ITGA1: variants seen among roughly 807,000 people sequenced by gnomAD.
ITGA1 encodes integrin alpha-1.
A neutral mutation model predicts 145.9 loss-of-function variants in ITGA1; 85 were observed. That is an observed-to-expected ratio of 0.58 (90% CI 0.49 to 0.70). ITGA1 has a LOEUF of 0.70. Among genes scored for constraint, ITGA1 ranks in the 30% least tolerant of loss-of-function variants. ITGA1 has a pLI of 0.00. For synonymous variants in ITGA1, 520 were observed against 495.3 expected (o/e 1.05, Z -0.66); for missense variants, 1,351 against 1,418.7 (o/e 0.95, Z 0.77).
chr5:52,849,408 T>G lies in ITGA1; in HGVS notation c.105T>G (p.Asn35Lys). 3 of 1,612,204 alleles carry G rather than the reference T, an allele frequency of 1.9e-6. No individual in the cohort carries two copies. The highest frequency in any genetic ancestry group is 2.5e-6 in the Non-Finnish European group (3 of 1,179,186). Reference sequence around the variant, plus strand: ...TATCATTCAATGTTGATGTGAAAAATTCAATGACTTTCAGCGGCCCGGTGG... The same window carrying G: ...TATCATTCAATGTTGATGTGAAAAAGTCAATGACTTTCAGCGGCCCGGTGG... ...CCVSFNVDVK[N>K]SMTFSGPVED... The change falls in exon 2 of 29, where the codon AAT becomes AAG. Residue 35 changes from asparagine (N) to lysine (K), a missense_variant. Transcript: ENST00000282588.
intron 23 of ITGA1, 37 bp downstream of exon 23, chr5:52,934,033 T>C (rs774514597): frequency 2.4e-6 from 2 of 838,174 alleles, no homozygotes; most frequent in East Asian, 6.0e-5. Flanking sequence ...TCTAAAGGAG[T>C]TATTTGTAAA....
intron 15 of ITGA1, among the ~76,000 whole-genome samples, chr5:52,918,295 T>G (rs182055827): frequency 1.3e-5 from 2 of 152,312 alleles, no homozygotes; most frequent in Admixed American, 1.3e-4. Flanking sequence ...TGCTTTTCCT[T>G]CCTAGAAATA....
Position 52,937,410 on chromosome 5 carries a change from A to C in ITGA1, c.2974A>C (p.Ser992Arg). The C allele has an allele frequency of 6.2e-7, 1 of 1,607,088 alleles. No homozygotes were observed. The highest frequency in any genetic ancestry group is 1.1e-5 in the South Asian group (1 of 90,886). Reference sequence around the variant, plus strand: ...CATTTTTTTCTTGTAGATTAGAAAAAGTGGATCTTTTCCAATGCCAGAGCT... The same window carrying C: ...CATTTTTTTCTTGTAGATTAGAAAACGTGGATCTTTTCCAATGCCAGAGCT... ...EINIFYLIRK[S>R]GSFPMPELKL... The change falls in exon 24 of 29, where the codon AGT becomes CGT. Residue 992 changes from serine (S) to arginine (R), a missense_variant. Coordinates refer to ENST00000282588, the MANE Select transcript of ITGA1 (RefSeq NM_181501.2).
At chr5:52,853,919 T>G (rs2111758696) in intron 2 of ITGA1, among the ~76,000 whole-genome samples, 1 of 152,342 alleles carries the variant, frequency 6.6e-6, no homozygotes, top group South Asian at 2.1e-4. Flanking sequence ...GATTTAGTGG[T>G]AAACATCAGC....
At chr5:52,918,096 C>T (rs367813373) in intron 15 of ITGA1, among the ~76,000 whole-genome samples, 9 of 152,098 alleles carry the variant, frequency 5.9e-5, no homozygotes, top group South Asian at 4.1e-4. Context: ...ACTGGGCTTT[C>T]GAGTTAAAAC....
At chr5:52,924,956 G>A (rs2111878490) in intron 18 of ITGA1, among the ~76,000 whole-genome samples, 1 of 152,292 alleles carries the variant, frequency 6.6e-6, no homozygotes. Flanking sequence ...TTAGAGTTGA[G>A]TAGATTTAGA....
chr5:52,889,147 C>T (rs933301496), intron 8 of ITGA1, among the ~76,000 whole-genome samples: 5 of 151,718 alleles, frequency 3.3e-5, no homozygotes, highest in African/African-American at 1.2e-4. Flanking sequence ...GTCACCCAGG[C>T]TGGAGTGAAG....
In ITGA1 at chr5:52,856,709, AG is replaced by A. The variant is rs59547748; in HGVS notation, c.183-4737del. Among the ~76,000 whole-genome samples, 3 of 132,982 alleles carry A rather than the reference AG, an allele frequency of 2.3e-5. No homozygotes were observed. The East Asian group carries it at 6.3e-4, about 28-fold the overall frequency. The allele number at this position is 132,982 out of a possible 152,430, so 87.2% of individuals were successfully genotyped here. On this transcript the variant is annotated intron_variant, in intron 2 of 28. Coordinates refer to ENST00000282588, the MANE Select transcript of ITGA1 (RefSeq NM_181501.2). ...GAGAGAGAGAGAGAGAGAGAGAGAG[AG>A]AGAAGCCACTAGGTCAAAATTTAAT...
intron 9 of ITGA1, among the ~76,000 whole-genome samples, chr5:52,896,806 A>G (rs1328947552): frequency 6.6e-6 from 1 of 152,176 alleles, no homozygotes; most frequent in African/African-American, 2.4e-5. Context: ...CAAAATGGGT[A>G]CAGGATCTTT....
In ITGA1 at chr5:52,892,044, A is replaced by ACTTTTC. The variant is rs571817394; in HGVS notation, c.925-1631_925-1630insCTTTTC. Among the ~76,000 whole-genome samples, 470 of 152,310 alleles carry ACTTTTC rather than the reference A, an allele frequency of 3.1e-3. 2 individuals carry two copies. Among genetic ancestry groups the ACTTTTC allele is most frequent in the African/African-American group, 0.011 (454 of 41,582 alleles). On this transcript the variant is annotated intron_variant, in intron 8 of 28. Coordinates refer to ENST00000282588, the MANE Select transcript of ITGA1 (RefSeq NM_181501.2). ...TCAGATGACACTGTTGAGAATATGAAAAGACAATCTACAGACGGGAAGAAA... is the reference window on the plus strand; with the variant it reads ...TCAGATGACACTGTTGAGAATATGAACTTTTCAAGACAATCTACAGACGGGAAGAAA...
chr5:52,877,699 A>C (rs1381278136), intron 6 of ITGA1, among the ~76,000 whole-genome samples: 2 of 152,222 alleles, frequency 1.3e-5, no homozygotes, highest in Non-Finnish European at 2.9e-5. Context: ...AGGAGCAGTC[A>C]CGGAGCCGTA....
chr5:52,834,700 G>A (rs747528085), intron 1 of ITGA1, among the ~76,000 whole-genome samples: 1 of 149,366 alleles, frequency 6.7e-6, no homozygotes, highest in East Asian at 2.0e-4. Context: ...GGGGAAGGAA[G>A]GAAGGGGAAG....
chr5:52,951,670 C>T (rs765942588), intron 28 of ITGA1, among the ~76,000 whole-genome samples: 14 of 152,078 alleles, frequency 9.2e-5, no homozygotes, highest in Non-Finnish European at 1.5e-4. Flanking sequence ...CCATAATATA[C>T]CTGTCAGATT....
chr5:52,798,910 A>C (rs1748398639), intron 1 of ITGA1, among the ~76,000 whole-genome samples: 1 of 152,104 alleles, frequency 6.6e-6, no homozygotes, highest in African/African-American at 2.4e-5. Context: ...TCATTTAAAA[A>C]CCAAGAGGCA....
In ITGA1 at chr5:52,897,639, C is replaced by T; in HGVS notation, c.1164+111C>T. 7.1e-6 allele frequency: 5 copies of T among 701,846 alleles called. No individual in the cohort carries two copies. In the Middle Eastern group the frequency reaches 7.3e-4, roughly 102 times the overall value. The allele number at this position is 701,846 out of a possible 1,614,324, so 43.5% of individuals were successfully genotyped here. A position where few individuals can be genotyped will look rare whatever the true frequency, so the allele number is the denominator to read the frequency against. On this transcript the variant is annotated intron_variant, in intron 10 of 28. Coordinates refer to ENST00000282588, the MANE Select transcript of ITGA1 (RefSeq NM_181501.2). The stretch of plus-strand genomic sequence containing the variant: ...TGCAACGTGCAGTTCATAGCTTGAA[C>T]AATTATGCAGGCTATGATGATGTTT...
chr5:52,811,565 T>A (rs552970933), intron 1 of ITGA1, among the ~76,000 whole-genome samples: 1 of 152,296 alleles, frequency 6.6e-6, no homozygotes, highest in East Asian at 1.9e-4. Flanking sequence ...CTGAGGGTCA[T>A]TTATTTGGAA....
chr5:52,876,052 T>G (rs1480220686), intron 6 of ITGA1, among the ~76,000 whole-genome samples: 2 of 152,180 alleles, frequency 1.3e-5, no homozygotes, highest in East Asian at 3.9e-4. Flanking sequence ...AGCTGAATCC[T>G]CCTTCCTCCT....
chr5:52,921,562 A>G (rs1750730359), intron 17 of ITGA1, among the ~76,000 whole-genome samples: 1 of 152,150 alleles, frequency 6.6e-6, no homozygotes, highest in Non-Finnish European at 1.5e-5. Flanking sequence ...ATGTGGATAA[A>G]ATTTGAATGG....
At chr5:52,868,186 T>TTA (rs1296877852) in intron 6 of ITGA1, among the ~76,000 whole-genome samples, 3 of 152,232 alleles carry the variant, frequency 2.0e-5, no homozygotes, top group Admixed American at 6.5e-5. Context: ...TTACAATTTA[T>TTA]TATACAGCCA....
Sources: gnomAD v4.1 joint callset for allele counts (sites outside exome capture counted in the v4.1 genomes callset) on GRCh38, gnomAD v4.1.1 for gene constraint, MANE v1.5 for transcripts, NCBI Gene and HGNC (gene_info 2026-07-23, HGNC 2026-07-21) for gene names.